SAMD5: variants seen among roughly 807,000 people sequenced by gnomAD.
SAMD5 encodes sterile alpha motif domain-containing protein 5.
A neutral mutation model predicts 11.3 loss-of-function variants in SAMD5; 13 were observed. The ratio of observed to expected loss-of-function variants is 1.15; its 90% CI spans 0.75 to 1.83. SAMD5 has a LOEUF of 1.83. SAMD5 is among the 40% of genes most tolerant of loss of function. The pLI, the probability that SAMD5 is intolerant of heterozygous loss-of-function variation, is 0.00. For synonymous variants in SAMD5, 129 were observed against 111.3 expected (o/e 1.16, Z -1.00); for missense variants, 255 against 239.1 (o/e 1.07, Z -0.44).
chr6:147,822,906 C>T, the SAMD5 span, among the ~76,000 whole-genome samples: 675 of 152,306 alleles, frequency 4.4e-3, 14 homozygotes, highest in South Asian at 0.039. Flanking sequence ...CCTCCACCTC[C>T]TGGGTTCAAG....
chr6:147,905,525 T>C, the SAMD5 span, among the ~76,000 whole-genome samples: 1 of 152,176 alleles, frequency 6.6e-6, no homozygotes, highest in Non-Finnish European at 1.5e-5. Context: ...TTAGAAAATA[T>C]GGATAGGCAA....
the SAMD5 span, among the ~76,000 whole-genome samples, chr6:147,914,849 G>A: frequency 6.6e-6 from 1 of 152,120 alleles, no homozygotes; most frequent in Admixed American, 6.6e-5. Context: ...TAATATTCAG[G>A]ATGAGAATGA....
chr6:147,628,855 T>C (rs1191171748), intron 1 of SAMD5, among the ~76,000 whole-genome samples: 1 of 152,162 alleles, frequency 6.6e-6, no homozygotes, highest in Non-Finnish European at 1.5e-5. Context: ...ATTGATTGAA[T>C]AGCCATACCC....
At chr6:147,737,177 CAGGTT>C (rs1791816557) in intron 1 of SAMD5, 2 of 286,678 alleles carry the variant, frequency 7.0e-6, no homozygotes, top group South Asian at 6.6e-5. Flanking sequence ...ATTTTTTTAT[CAGGTT>C]TTTTTATAAT....
At chr6:147,769,302 A>G in the SAMD5 span, among the ~76,000 whole-genome samples, 1 of 152,254 alleles carries the variant, frequency 6.6e-6, no homozygotes, top group African/African-American at 2.4e-5. Context: ...GTGAAGCTCC[A>G]TTATTTCATT....
intron 1 of SAMD5, among the ~76,000 whole-genome samples, chr6:147,578,899 C>T (rs1789255914): frequency 6.6e-6 from 1 of 152,174 alleles, no homozygotes; most frequent in East Asian, 1.9e-4. Flanking sequence ...CCTAAGTCCA[C>T]GTGGTCTTGG....
the SAMD5 span, among the ~76,000 whole-genome samples, chr6:147,820,921 A>G: frequency 3.9e-5 from 6 of 152,326 alleles, no homozygotes; most frequent in African/African-American, 1.4e-4. Context: ...TGCTTAGGAA[A>G]CAGCAAGAGA....
At chr6:147,768,880 G>A in the SAMD5 span, among the ~76,000 whole-genome samples, 82 of 152,162 alleles carry the variant, frequency 5.4e-4, no homozygotes, top group Non-Finnish European at 9.7e-4. Flanking sequence ...TGCAACCTCC[G>A]CCTCCCAGGT....
chr6:147,562,844 A>G (rs933722112), intron 1 of SAMD5, among the ~76,000 whole-genome samples: 3 of 152,102 alleles, frequency 2.0e-5, no homozygotes, highest in African/African-American at 7.2e-5. Context: ...ATAAATAAAT[A>G]AAACCCAAAG....
At chr6:147,662,785 A>C (rs1253471042) in intron 1 of SAMD5, among the ~76,000 whole-genome samples, 1 of 152,198 alleles carries the variant, frequency 6.6e-6, no homozygotes, top group East Asian at 1.9e-4. Flanking sequence ...TAATCATTTC[A>C]ATCTGCTGTC....
intron 1 of SAMD5, among the ~76,000 whole-genome samples, chr6:147,702,017 C>CATACCTGAAACTGGGTAATTT (rs1189778152): frequency 1.3e-5 from 2 of 152,188 alleles, no homozygotes; most frequent in African/African-American, 2.4e-5. Context: ...CTAAAAAAGA[C>CATACCTGAAACTGGGTAATTT]ATACCTGAAA....
rs76206306 is a variant in SAMD5, at chr6:147,678,902, A to G, written c.163-58415A>G. Among the ~76,000 whole-genome samples the G allele has an allele frequency of 2.9e-4, 44 of 152,270 alleles. No homozygotes were observed. The East Asian group carries it at 8.5e-3, about 29-fold the overall frequency. On this transcript the variant is annotated intron_variant, in intron 1 of 1. Coordinates refer to the SAMD5 transcript ENST00000566741. ...TACCCATGAAACCATCACCACAATC[A>G]AGATAATGAACATATCCATCGTCTC...
intron 1 of SAMD5, among the ~76,000 whole-genome samples, chr6:147,591,854 A>G (rs1231446024): frequency 6.6e-6 from 1 of 152,006 alleles, no homozygotes; most frequent in Non-Finnish European, 1.5e-5. Flanking sequence ...GCTTCCCCAG[A>G]GCCTTCTCAG....
At chr6:147,853,940 C>G in the SAMD5 span, among the ~76,000 whole-genome samples, 1 of 152,088 alleles carries the variant, frequency 6.6e-6, no homozygotes, top group South Asian at 2.1e-4. Flanking sequence ...TTAAAAAAAT[C>G]AATTCCCATT....
the SAMD5 span, among the ~76,000 whole-genome samples, chr6:147,828,585 G>A: frequency 3.0e-4 from 45 of 152,256 alleles, no homozygotes; most frequent in Middle Eastern, 3.4e-3. Context: ...TCTTCCTCCC[G>A]TGCTGGAGGA....
intron 1 of SAMD5, among the ~76,000 whole-genome samples, chr6:147,650,845 G>A (rs1790473257): frequency 6.6e-6 from 1 of 152,170 alleles, no homozygotes; most frequent in Non-Finnish European, 1.5e-5. Flanking sequence ...ACCTACCTGT[G>A]CAATTTTGGT....
At chr6:147,680,100 A>G (rs1790920232) in intron 1 of SAMD5, among the ~76,000 whole-genome samples, 1 of 152,040 alleles carries the variant, frequency 6.6e-6, no homozygotes, top group South Asian at 2.1e-4. Context: ...ATTTTCATGT[A>G]AATTTGACTT....
the SAMD5 span, among the ~76,000 whole-genome samples, chr6:147,820,932 T>G: frequency 6.6e-6 from 1 of 152,202 alleles, no homozygotes; most frequent in Admixed American, 6.5e-5. Flanking sequence ...CAGCAAGAGA[T>G]TTCTGTAACT....
intron 1 of SAMD5, among the ~76,000 whole-genome samples, chr6:147,647,930 G>A (rs764077820): frequency 1.3e-5 from 2 of 152,182 alleles, no homozygotes; most frequent in Non-Finnish European, 2.9e-5. Context: ...CCGTTCTTCT[G>A]TTGGACCACT....
Sources: gnomAD v4.1 joint callset for allele counts (sites outside exome capture counted in the v4.1 genomes callset) on GRCh38, gnomAD v4.1.1 for gene constraint, MANE v1.5 for transcripts, NCBI Gene and HGNC (gene_info 2026-07-23, HGNC 2026-07-21) for gene names.